LRRTM4: variants seen among roughly 807,000 people sequenced by gnomAD.
LRRTM4 encodes leucine-rich repeat transmembrane neuronal protein 4.
Under a neutral mutation model 47.6 loss-of-function variants are expected in LRRTM4, and 25 were observed. That is an observed-to-expected ratio of 0.53 (90% CI 0.38 to 0.73). The LOEUF (loss-of-function observed/expected upper bound fraction) is 0.73. LRRTM4 is among the 30% of genes least tolerant of loss of function. The probability of loss-of-function intolerance (pLI) is 0.00; values close to 1 mark genes in which losing one functional copy is unlikely to be tolerated. For missense variants in LRRTM4, 638 were observed against 713.4 expected (o/e 0.89, Z 1.20); for synonymous variants, 311 against 269.5 (o/e 1.15, Z -1.51).
At position 76,901,118 on chromosome 2, in the gene LRRTM4, T is replaced by C. The variant is rs1457427536; in HGVS notation, c.1552-152202A>G. ...TTGTTACATTGGTAAACGTATACCA[T>C]GGTGGTTTGCTGCACCTATCAACCC... On this transcript the variant is annotated intron_variant, in intron 3 of 3. Coordinates refer to ENST00000409884, the MANE Select transcript of LRRTM4 (RefSeq NM_001134745.3). 2.6e-5 allele frequency among the ~76,000 whole-genome samples: 4 copies of C among 152,262 alleles called. No homozygotes were observed. The East Asian group carries it at 5.8e-4, about 22-fold the overall frequency.
At chr2:76,807,913 TCTTTC>T (rs1434078120) in intron 3 of LRRTM4, among the ~76,000 whole-genome samples, 2 of 145,756 alleles carry the variant, frequency 1.4e-5, no homozygotes, top group African/African-American at 5.3e-5. Flanking sequence ...TTCTTTCTTT[TCTTTC>T]CTTTCTTTCC....
At chr2:77,395,642 T>A (rs1673672615) in intron 3 of LRRTM4, among the ~76,000 whole-genome samples, 1 of 151,986 alleles carries the variant, frequency 6.6e-6, no homozygotes, top group Admixed American at 6.6e-5. Flanking sequence ...ATATTTAGGT[T>A]GTTTTAAGAA....
At chr2:77,349,038 A>C (rs1157903153) in intron 3 of LRRTM4, among the ~76,000 whole-genome samples, 1 of 151,978 alleles carries the variant, frequency 6.6e-6, no homozygotes, top group Non-Finnish European at 1.5e-5. Context: ...TAATATCAGG[A>C]GGTGGGCAGA....
chr2:77,088,151 A>C (rs562164435), intron 3 of LRRTM4, among the ~76,000 whole-genome samples: 1 of 152,348 alleles, frequency 6.6e-6, no homozygotes, highest in African/African-American at 2.4e-5. Flanking sequence ...TTTGATTACT[A>C]AATTTCTTCT....
rs574428106 is a variant in LRRTM4 at position 77,087,814 on chromosome 2, TAAG to T, written c.1552-338901_1552-338899del. Among the ~76,000 whole-genome samples, 376 of 152,308 alleles carry T rather than the reference TAAG, an allele frequency of 2.5e-3. 1 individual carries two copies. Among genetic ancestry groups the T allele is most frequent in the Middle Eastern group, 0.014 (4 of 292 alleles). On this transcript the variant is annotated intron_variant, in intron 3 of 3. Transcript: ENST00000409884. ...ATGTATACTAAAGAAAAATATTATT[TAAG>T]AAGAGCTCTTTAAAATGTGCTAAAT...
chr2:77,256,084 A>AT, intron 3 of LRRTM4, among the ~76,000 whole-genome samples: 1 of 152,148 alleles, frequency 6.6e-6, no homozygotes, highest in East Asian at 1.9e-4. Context: ...CATGAATAAT[A>AT]TTGGGGTTAT....
chr2:77,279,480 T>A (rs1256206236), intron 3 of LRRTM4, among the ~76,000 whole-genome samples: 1 of 151,982 alleles, frequency 6.6e-6, no homozygotes, highest in South Asian at 2.1e-4. Flanking sequence ...CATTGTGGTA[T>A]TCAAAAGAGC....
intron 3 of LRRTM4, among the ~76,000 whole-genome samples, chr2:77,486,371 T>G (rs1677910722): frequency 6.6e-6 from 1 of 152,218 alleles, no homozygotes; most frequent in Non-Finnish European, 1.5e-5. Context: ...TCTATATTTG[T>G]CTGTTTTAGA....
intron 3 of LRRTM4, among the ~76,000 whole-genome samples, chr2:77,373,722 C>G (rs1672731457): frequency 6.6e-6 from 1 of 151,574 alleles, no homozygotes; most frequent in South Asian, 2.1e-4. Flanking sequence ...ATTTTTAAAG[C>G]TATACTTAGA....
rs575415317 is a variant in LRRTM4, at chr2:77,498,741, CAACT to C, written c.1551+19573_1551+19576del. ...TAAGCCTATAGTACTACTATTGTGG[CAACT>C]AACTATTTTTCCCATCCTGTAACAG... On this transcript the variant is annotated intron_variant, in intron 3 of 3. Coordinates refer to ENST00000409884, the MANE Select transcript of LRRTM4 (RefSeq NM_001134745.3). Among the ~76,000 whole-genome samples, 499 of 151,866 alleles carry C rather than the reference CAACT, an allele frequency of 3.3e-3. 1 individual carries two copies. Among genetic ancestry groups the C allele is most frequent in the African/African-American group, 0.011 (458 of 41,486 alleles).
In LRRTM4 at chr2:77,472,440, G is replaced by T. The variant is rs146083596; in HGVS notation, c.1551+45878C>A. Among the ~76,000 whole-genome samples, 579 of 152,160 alleles carry T rather than the reference G, an allele frequency of 3.8e-3. 4 individuals are homozygous for T. Among genetic ancestry groups the T allele is most frequent in the Middle Eastern group, 0.02 (6 of 294 alleles). The stretch of plus-strand genomic sequence containing the variant: ...CCCTGTATTTACACTGGGACCAATG[G>T]GATAGGATGTGCTAATTCAGTGTTC... On this transcript the variant is annotated intron_variant, in intron 3 of 3. Transcript: ENST00000409884.
chr2:77,242,628 T>A (rs1675301999), intron 3 of LRRTM4, among the ~76,000 whole-genome samples: 1 of 151,940 alleles, frequency 6.6e-6, no homozygotes, highest in Non-Finnish European at 1.5e-5. Context: ...TCTCAGCCCA[T>A]TATGATGGAT....
intron 3 of LRRTM4, among the ~76,000 whole-genome samples, chr2:76,971,269 T>C (rs187434780): frequency 2.0e-5 from 3 of 149,784 alleles, no homozygotes; most frequent in Admixed American, 2.0e-4. Context: ...TAGCCCCATC[T>C]ACCTAAATCA....
chr2:76,781,615 G>C (rs984505864), intron 3 of LRRTM4, among the ~76,000 whole-genome samples: 2 of 152,202 alleles, frequency 1.3e-5, no homozygotes, highest in Admixed American at 6.5e-5. Flanking sequence ...GCTTCGGCTC[G>C]CGCATGGTGC....
chr2:77,428,846 T>A (rs1675233125), intron 3 of LRRTM4, among the ~76,000 whole-genome samples: 1 of 152,362 alleles, frequency 6.6e-6, no homozygotes, highest in Non-Finnish European at 1.5e-5. Context: ...CCTTTTAATG[T>A]CTGAATTCAT....
At chr2:77,232,297 G>A (rs538135107) in intron 3 of LRRTM4, among the ~76,000 whole-genome samples, 1 of 152,256 alleles carries the variant, frequency 6.6e-6, no homozygotes, top group African/African-American at 2.4e-5. Flanking sequence ...TAATTTTAAA[G>A]AACAGAGATT....
At chr2:77,075,914 C>CAA (rs61718845) in intron 3 of LRRTM4, among the ~76,000 whole-genome samples, 5,448 of 36,766 alleles carry the variant, frequency 0.15, 1,210 homozygotes, top group Non-Finnish European at 0.23. Context: ...GACTCCGTCT[C>CAA]AAAAAAAAAA....
intron 3 of LRRTM4, among the ~76,000 whole-genome samples, chr2:77,264,141 G>T (rs1413258142): frequency 6.6e-6 from 1 of 151,958 alleles, no homozygotes; most frequent in Non-Finnish European, 1.5e-5. Flanking sequence ...ACCAGAGAAT[G>T]GGTGGCTTCA....
intron 3 of LRRTM4, among the ~76,000 whole-genome samples, chr2:77,049,218 CATTCCTT>C (rs1679345778): frequency 6.9e-6 from 1 of 144,934 alleles, no homozygotes; most frequent in South Asian, 2.2e-4. Context: ...AACTTAGGTT[CATTCCTT>C]ATCTCTGCTA....
Sources: allele counts gnomAD v4.1 joint callset (sites outside exome capture counted in the v4.1 genomes callset), GRCh38; gene constraint gnomAD v4.1.1; transcripts MANE v1.5; gene names NCBI Gene and HGNC (gene_info 2026-07-23, HGNC 2026-07-21).